The following ROBO2 variants were observed in gnomAD, a reference collection of about 807,000 sequenced individuals.
The protein encoded by ROBO2 is roundabout homolog 2.
Under a neutral mutation model 160.8 loss-of-function variants are expected in ROBO2, and 53 were observed. That is an observed-to-expected ratio of 0.33 (90% CI 0.26 to 0.41). The LOEUF is 0.41. ROBO2 is among the 10% of genes least tolerant of loss of function. The probability of loss-of-function intolerance (pLI) is 1.00; values close to 1 mark genes in which losing one functional copy is unlikely to be tolerated. For missense variants in ROBO2, 1,577 were observed against 1,722.4 expected (o/e 0.92, Z 1.49); for synonymous variants, 664 against 611.7 (o/e 1.09, Z -1.26).
chr3:76,549,539 T>C (rs11127548), intron 2 of ROBO2, among the ~76,000 whole-genome samples: 61,716 of 152,110 alleles, frequency 0.41, 14,577 homozygotes, highest in Non-Finnish European at 0.54. Flanking sequence ...TGTAATCAAG[T>C]TGATATTTCA....
At chr3:76,013,431 T>G (rs1045764721) in intron 2 of ROBO2, among the ~76,000 whole-genome samples, 17 of 149,074 alleles carry the variant, frequency 1.1e-4, no homozygotes, top group Admixed American at 2.0e-4. Flanking sequence ...CCAGAAGTAA[T>G]ATGTATAAAG....
intron 2 of ROBO2, among the ~76,000 whole-genome samples, chr3:76,925,363 C>T (rs1413060814): frequency 6.6e-6 from 1 of 152,010 alleles, no homozygotes; most frequent in African/African-American, 2.4e-5. Context: ...TAGTAATGGC[C>T]TGTTGTAGAT....
chr3:77,150,795 G>T (rs1286088675), intron 2 of ROBO2, among the ~76,000 whole-genome samples: 1 of 151,752 alleles, frequency 6.6e-6, no homozygotes, highest in South Asian at 2.1e-4. Flanking sequence ...AAGACAATTT[G>T]GTTGTGTATT....
At chr3:76,048,982 A>T (rs1221688916) in intron 2 of ROBO2, among the ~76,000 whole-genome samples, 1 of 152,160 alleles carries the variant, frequency 6.6e-6, no homozygotes, top group Non-Finnish European at 1.5e-5. Flanking sequence ...ATGCAACGCT[A>T]AACAACATAT....
intron 2 of ROBO2, among the ~76,000 whole-genome samples, chr3:76,536,970 A>T (rs982831846): frequency 6.6e-6 from 1 of 152,114 alleles, no homozygotes; most frequent in Non-Finnish European, 1.5e-5. Flanking sequence ...TAGTTGTGGA[A>T]CGAAACTGTA....
chr3:76,083,538 T>A (rs900123635), intron 2 of ROBO2, among the ~76,000 whole-genome samples: 2 of 152,126 alleles, frequency 1.3e-5, no homozygotes, highest in African/African-American at 2.4e-5. Flanking sequence ...AGTTTGTGAT[T>A]TTTGCATTTT....
chr3:76,793,057 G>A (rs978442799), intron 2 of ROBO2, among the ~76,000 whole-genome samples: 3 of 151,616 alleles, frequency 2.0e-5, no homozygotes, highest in East Asian at 2.0e-4. Flanking sequence ...ACAAAAATGC[G>A]ATTCCATCTT....
chr3:76,589,776 CA>C (rs1398865596), intron 2 of ROBO2, among the ~76,000 whole-genome samples: 2 of 151,912 alleles, frequency 1.3e-5, no homozygotes, highest in Non-Finnish European at 2.9e-5. Flanking sequence ...ATGTTAGATC[CA>C]AAAGCCAACC....
At chr3:76,902,510 A>T (rs1454373929) in intron 2 of ROBO2, among the ~76,000 whole-genome samples, 1 of 152,104 alleles carries the variant, frequency 6.6e-6, no homozygotes, top group Admixed American at 6.5e-5. Flanking sequence ...AATCAAATTT[A>T]TACATTTATT....
At chr3:77,555,360 T>C (rs1219414567) in intron 8 of ROBO2, among the ~76,000 whole-genome samples, 1 of 151,976 alleles carries the variant, frequency 6.6e-6, no homozygotes, top group Admixed American at 6.6e-5. Flanking sequence ...AGTGTATCTG[T>C]TGTCACATTT....
At chr3:77,403,684 A>G (rs1170349203) in intron 2 of ROBO2, among the ~76,000 whole-genome samples, 2 of 151,100 alleles carry the variant, frequency 1.3e-5, no homozygotes, top group Non-Finnish European at 2.9e-5. Flanking sequence ...ATTGTGAATA[A>G]TGCTGCAATG....
intron 2 of ROBO2, among the ~76,000 whole-genome samples, chr3:76,268,358 C>G (rs1231318674): frequency 2.0e-5 from 3 of 152,100 alleles, no homozygotes; most frequent in Non-Finnish European, 4.4e-5. Flanking sequence ...ATTAGTTAAC[C>G]TGGGCTGTCA....
At chr3:76,138,771 A>G (rs769095761) in intron 2 of ROBO2, among the ~76,000 whole-genome samples, 21 of 152,152 alleles carry the variant, frequency 1.4e-4, no homozygotes, top group Non-Finnish European at 2.2e-4. Flanking sequence ...TTTCCTTTTA[A>G]TAGTTTACTG....
chr3:75,992,671 C>G (rs1195915119), intron 2 of ROBO2, among the ~76,000 whole-genome samples: 1 of 152,154 alleles, frequency 6.6e-6, no homozygotes, highest in African/African-American at 2.4e-5. Context: ...CTCCAGAACT[C>G]AGAATGGTAG....
intron 2 of ROBO2, among the ~76,000 whole-genome samples, chr3:76,310,518 A>G (rs992727288): frequency 6.6e-6 from 1 of 152,198 alleles, no homozygotes; most frequent in African/African-American, 2.4e-5. Context: ...GAAAAATTAT[A>G]TACTTATTGT....
intron 2 of ROBO2, among the ~76,000 whole-genome samples, chr3:77,392,674 C>T (rs1341320475): frequency 6.6e-6 from 1 of 152,118 alleles, no homozygotes; most frequent in African/African-American, 2.4e-5. Flanking sequence ...TCCAGTTGTT[C>T]GAACATGAGT....
intron 2 of ROBO2, among the ~76,000 whole-genome samples, chr3:77,426,030 G>C (rs1030257395): frequency 9.2e-5 from 14 of 152,086 alleles, no homozygotes; most frequent in African/African-American, 3.4e-4. Flanking sequence ...GCATGACCCA[G>C]TTCATATTTT....
intron 2 of ROBO2, among the ~76,000 whole-genome samples, chr3:76,585,632 C>A (rs562817621): frequency 6.6e-6 from 1 of 152,142 alleles, no homozygotes; most frequent in South Asian, 2.1e-4. Context: ...AATTCTCATA[C>A]CTAACAAAAT....
intron 2 of ROBO2, among the ~76,000 whole-genome samples, chr3:77,383,629 T>A (rs2073787221): frequency 6.6e-6 from 1 of 152,246 alleles, no homozygotes; most frequent in South Asian, 2.1e-4. Context: ...TTTTTTGGTT[T>A]GTTTAAGTCC....
Sources: gnomAD v4.1 joint callset for allele counts (sites outside exome capture counted in the v4.1 genomes callset) on GRCh38, gnomAD v4.1.1 for gene constraint, MANE v1.5 for transcripts, NCBI Gene and HGNC (gene_info 2026-07-23, HGNC 2026-07-21) for gene names.